KLF12: variants seen among roughly 807,000 people sequenced by gnomAD.
KLF12 encodes the protein KLF transcription factor 12.
In KLF12, 9 loss-of-function variants were observed where a neutral mutation model predicts 37.8. The ratio of observed to expected loss-of-function variants is 0.24; its 90% CI spans 0.14 to 0.42. The LOEUF (loss-of-function observed/expected upper bound fraction) is 0.42. KLF12 is among the 10% of genes least tolerant of loss of function. The probability of loss-of-function intolerance (pLI) is 1.00; values close to 1 mark genes in which losing one functional copy is unlikely to be tolerated. For missense variants in KLF12, 411 were observed against 516.0 expected, an observed-to-expected ratio of 0.80 and a Z score of 1.97; for synonymous variants, 208 against 202.1, an observed-to-expected ratio of 1.03 and a Z score of -0.25.
At chr13:73,789,440 C>T (rs1253132829) in intron 5 of KLF12, among the ~76,000 whole-genome samples, 1 of 151,996 alleles carries the variant, frequency 6.6e-6, no homozygotes, top group Non-Finnish European at 1.5e-5. Context: ...CTTTTTTCAC[C>T]ACCCTGAGAG....
intron 1 of KLF12, among the ~76,000 whole-genome samples, chr13:74,050,826 A>C (rs1872869320): frequency 6.6e-6 from 1 of 152,244 alleles, no homozygotes; most frequent in Non-Finnish European, 1.5e-5. Context: ...TCATTTGATA[A>C]GGAGTTAATA....
intron 3 of KLF12, among the ~76,000 whole-genome samples, chr13:73,906,324 T>C (rs191147484): frequency 4.3e-4 from 65 of 152,348 alleles, no homozygotes; most frequent in South Asian, 1.0e-3. Context: ...CTTTTTCTCC[T>C]GTGGGAAGTC....
intron 3 of KLF12, among the ~76,000 whole-genome samples, chr13:73,849,371 T>G (rs1210084158): frequency 3.3e-5 from 2 of 61,464 alleles, no homozygotes; most frequent in Non-Finnish European, 5.7e-5. Flanking sequence ...AGAGGGAGAC[T>G]CCATAAAAAA....
chr13:74,164,791 GA>G, the KLF12 span, among the ~76,000 whole-genome samples: 1 of 152,184 alleles, frequency 6.6e-6, no homozygotes, highest in African/African-American at 2.4e-5. Context: ...TATGTTAAGG[GA>G]AATAAGCCAG....
chr13:74,283,125 T>C, the KLF12 span, among the ~76,000 whole-genome samples: 5 of 152,210 alleles, frequency 3.3e-5, no homozygotes, highest in East Asian at 1.9e-4. Flanking sequence ...ACCTACCAAA[T>C]TGGAGAAACC....
chr13:73,943,935 C>T, intron 3 of KLF12, 46 bp downstream of exon 3: 1 of 1,147,926 alleles, frequency 8.7e-7, no homozygotes, highest in Non-Finnish European at 1.3e-6. Context: ...AGAAGAATGC[C>T]ACTCTCATCA....
chr13:74,139,660 T>C, the KLF12 span, among the ~76,000 whole-genome samples: 1 of 152,180 alleles, frequency 6.6e-6, no homozygotes, highest in Non-Finnish European at 1.5e-5. Flanking sequence ...CTTCATTTTT[T>C]ATTAAAATTA....
intron 7 of KLF12, among the ~76,000 whole-genome samples, chr13:73,701,857 A>G (rs1874582394): frequency 6.6e-6 from 1 of 152,072 alleles, no homozygotes; most frequent in Non-Finnish European, 1.5e-5. Flanking sequence ...AAAGAATATG[A>G]CCATTTTCAC....
chr13:73,963,131 C>A (rs929238163), intron 2 of KLF12, among the ~76,000 whole-genome samples: 1 of 152,170 alleles, frequency 6.6e-6, no homozygotes, highest in Admixed American at 6.5e-5. Flanking sequence ...AAATTGCTAT[C>A]TGGTATACTT....
the KLF12 span, among the ~76,000 whole-genome samples, chr13:74,243,658 G>C: frequency 3.9e-5 from 6 of 152,168 alleles, no homozygotes; most frequent in Non-Finnish European, 8.8e-5. Context: ...TAACTGGCAT[G>C]AGATGGTATC....
chr13:73,951,054 G>C (rs1478256616), intron 2 of KLF12, among the ~76,000 whole-genome samples: 2 of 152,194 alleles, frequency 1.3e-5, no homozygotes, highest in African/African-American at 4.8e-5. Flanking sequence ...AATGCAGCAG[G>C]CAGGCCTCAT....
At chr13:74,138,991 C>T in the KLF12 span, among the ~76,000 whole-genome samples, 1 of 152,166 alleles carries the variant, frequency 6.6e-6, no homozygotes, top group African/African-American at 2.4e-5. Context: ...CATCCTCTCA[C>T]CAAAAAGTTA....
intron 2 of KLF12, among the ~76,000 whole-genome samples, chr13:73,992,918 T>C (rs774872062): frequency 2.0e-4 from 30 of 152,172 alleles, no homozygotes; most frequent in Admixed American, 9.8e-4. Flanking sequence ...ATAAAATGTA[T>C]GAAAAATCAT....
At chr13:73,984,100 G>C (rs78057420) in intron 2 of KLF12, among the ~76,000 whole-genome samples, 12,278 of 152,232 alleles carry the variant, frequency 0.081, 685 homozygotes, top group Non-Finnish European at 0.12. Context: ...CCTCGGGTGG[G>C]GAGGACAGCA....
At chr13:73,697,823 T>C (rs751866534) in intron 7 of KLF12, among the ~76,000 whole-genome samples, 4 of 152,188 alleles carry the variant, frequency 2.6e-5, no homozygotes, top group East Asian at 1.9e-4. Flanking sequence ...TTGTGTAGTA[T>C]AGAAGGACGT....
At chr13:74,119,254 C>G (rs1877483579) in intron 1 of KLF12, among the ~76,000 whole-genome samples, 1 of 151,720 alleles carries the variant, frequency 6.6e-6, no homozygotes, top group Non-Finnish European at 1.5e-5. Flanking sequence ...ATCACTTGAA[C>G]TTGGGAGGCG....
At chr13:74,069,033 G>A (rs538747566) in intron 1 of KLF12, among the ~76,000 whole-genome samples, 2 of 152,300 alleles carry the variant, frequency 1.3e-5, no homozygotes, top group African/African-American at 4.8e-5. Flanking sequence ...ATACAAAAGA[G>A]ACTAAGGTTT....
chr13:74,274,041 T>G, the KLF12 span, among the ~76,000 whole-genome samples: 3 of 152,156 alleles, frequency 2.0e-5, no homozygotes, highest in East Asian at 3.9e-4. Context: ...TCTTGAGGCA[T>G]GCACCGAAAA....
At chr13:73,857,236 C>G (rs1001946241) in intron 3 of KLF12, among the ~76,000 whole-genome samples, 4 of 152,064 alleles carry the variant, frequency 2.6e-5, no homozygotes, top group African/African-American at 9.7e-5. Flanking sequence ...TTTGAGAGAA[C>G]ATCCCAGGGG....
Sources: allele counts gnomAD v4.1 joint callset (sites outside exome capture counted in the v4.1 genomes callset), GRCh38; gene constraint gnomAD v4.1.1; transcripts MANE v1.5; gene names NCBI Gene and HGNC (gene_info 2026-07-23, HGNC 2026-07-21).